GNPTG: variants seen among roughly 807,000 people sequenced by gnomAD.
GNPTG encodes the protein N-acetylglucosamine-1-phosphate transferase subunit gamma.
A neutral mutation model predicts 43.8 loss-of-function variants in GNPTG; 46 were observed. The observed-to-expected ratio is 1.05, with a 90% CI of 0.83 to 1.34. The LOEUF (loss-of-function observed/expected upper bound fraction) is 1.34. GNPTG is among the 40% of genes most tolerant of loss of function. The pLI is 0.00. For missense variants in GNPTG, 549 were observed against 411.3 expected (o/e 1.33, Z -2.90); for synonymous variants, 250 against 172.8 (o/e 1.45, Z -3.50).
intron 3 of GNPTG, among the ~76,000 whole-genome samples, chr16:1,352,681 G>C (rs1341943070): frequency 6.6e-6 from 1 of 152,098 alleles, no homozygotes; most frequent in Non-Finnish European, 1.5e-5. Flanking sequence ...GTCACTCGCT[G>C]TATCTCTCGG....
chr16:1,364,005 T>C lies in GNPTG; in HGVS notation c.*914T>C, dbSNP rs2035038879. ...CTAGAGCTCAGCTGCTCCTGACCAC[T>C]GACAACCGGGAGATGTCTCGGCAGA... On this transcript the variant is annotated 3_prime_UTR_variant, in exon 11 of 11. Transcript: ENST00000204679. The C allele has an allele frequency of 6.6e-6, 1 of 152,166 alleles. No individual in the cohort carries two copies. The highest frequency in any genetic ancestry group is 1.5e-5 in the Non-Finnish European group (1 of 68,044). 9.4% of individuals were successfully genotyped at this position (152,166 alleles called of 1,614,324 possible).
chr16:1,362,020 G>T lies in GNPTG; in HGVS notation c.318-18G>T, dbSNP rs148378749. The T allele has an allele frequency of 1.2e-6, 2 of 1,612,420 alleles. No homozygotes were observed. The highest frequency in any genetic ancestry group is 2.2e-5 in the East Asian group (1 of 44,880). ...AGCTCCCCACCCGGCCTCACGTGCCGTGCCCGTGTCTCCCCAGCATCTGGC... is the reference window on the plus strand; with the variant it reads ...AGCTCCCCACCCGGCCTCACGTGCCTTGCCCGTGTCTCCCCAGCATCTGGC... On this transcript the variant is annotated intron_variant, in intron 5 of 10. Coordinates refer to ENST00000204679, the MANE Select transcript of GNPTG (RefSeq NM_032520.5).
At chr16:1,354,575 G>C (rs2034738434) in intron 3 of GNPTG, among the ~76,000 whole-genome samples, 1 of 53,386 alleles carries the variant, frequency 1.9e-5, no homozygotes, top group Non-Finnish European at 3.3e-5. Flanking sequence ...GACAGAGCAA[G>C]ACTTCGTCTC....
rs1298374390 is a variant in GNPTG, at chr16:1,363,043, G to C, written c.870G>C (p.Lys290Asn). ...EHLGHETPRA[K>N]SPEQLRGDPG... ...TGGGCCACGAGACGCCCAGAGCCAA[G>C]TCTCCAGAGCAGCTGCGGGGTGACC... Residue 290 changes from lysine to asparagine, a missense_variant, in exon 11 of 11, where the codon AAG becomes AAC. Lys to Asn is a moderately conservative substitution (Grantham distance 94, BLOSUM62 0). Transcript: ENST00000204679. 1 of 1,613,968 alleles carries C rather than the reference G, an allele frequency of 6.2e-7. No homozygotes were observed. The highest frequency in any genetic ancestry group is 1.3e-5 in the African/African-American group (1 of 74,908).
chr16:1,361,726 T>A lies in GNPTG; in HGVS notation c.179-17T>A. 1 of 1,613,832 alleles carries A rather than the reference T, an allele frequency of 6.2e-7. No individual in the cohort carries two copies. ...TCTGTGCTTGGACCCTGGGGATCAG[T>A]GTGAGGTCTCTTCCAGGACCCGTGC... is the stretch of plus-strand genomic sequence containing the variant. On this transcript the variant is annotated splice_polypyrimidine_tract_variant and intron_variant, in intron 3 of 10. Coordinates refer to ENST00000204679, the MANE Select transcript of GNPTG (RefSeq NM_032520.5).
At position 1,361,950 on chromosome 16, in the gene GNPTG, C is replaced by A. The variant is rs769001628; in HGVS notation, c.312C>A (p.Ile104=). ...TCCGCTGGAACGCCTACAGTGGGAT[C>A]CTCGGGTGAGTGGGGCCGGGGCAGG... ...QTFRWNAYSG[I]LGIWHEWEIA... is the part of the protein sequence containing the mutation. Residue 104 remains isoleucine, a synonymous_variant, in exon 5 of 11, where the codon ATC becomes ATA. Transcript: ENST00000204679. The A allele has an allele frequency of 1.2e-6, 2 of 1,613,538 alleles. No homozygotes were observed. The highest frequency in any genetic ancestry group is 3.3e-5 in the Admixed American group (2 of 60,030).
chr16:1,357,217 T>C (rs929653775), intron 3 of GNPTG, among the ~76,000 whole-genome samples: 2 of 152,128 alleles, frequency 1.3e-5, no homozygotes, highest in Non-Finnish European at 2.9e-5. Flanking sequence ...CCAGGACCTT[T>C]CTATATCCAC....
Position 1,361,841 on chromosome 16 carries a change from C to T in GNPTG, c.234-31C>T, listed in dbSNP as rs201381376. 571 of 1,613,694 alleles carry T rather than the reference C, an allele frequency of 3.5e-4. 1 individual carries two copies. Among genetic ancestry groups the T allele is most frequent in the Non-Finnish European group, 3.4e-4 (397 of 1,179,832 alleles). On this transcript the variant is annotated intron_variant, in intron 4 of 10. Transcript: ENST00000204679. Reference sequence around the variant, plus strand: ...CGAGGGTGGGCTGGGGCGCAGCCTGCGGACCCCCCTCATGCCATCTGTGTC... The same window carrying T: ...CGAGGGTGGGCTGGGGCGCAGCCTGTGGACCCCCCTCATGCCATCTGTGTC...
chr16:1,357,821 A>ATTATACGGCCTCGAT (rs1452723529), intron 3 of GNPTG: 3 of 152,428 alleles, frequency 2.0e-5, no homozygotes, highest in Non-Finnish European at 2.9e-5. Flanking sequence ...CCTCGACTTT[A>ATTATACGGCCTCGAT]TTATTAATAC....
chr16:1,362,030 C>A lies in GNPTG; in HGVS notation c.318-8C>A. On this transcript the variant is annotated splice_region_variant and splice_polypyrimidine_tract_variant and intron_variant, in intron 5 of 10. Coordinates refer to ENST00000204679, the MANE Select transcript of GNPTG (RefSeq NM_032520.5). Reference sequence around the variant, plus strand: ...CCGGCCTCACGTGCCGTGCCCGTGTCTCCCCAGCATCTGGCACGAGTGGGA... The same window carrying A: ...CCGGCCTCACGTGCCGTGCCCGTGTATCCCCAGCATCTGGCACGAGTGGGA... The A allele has an allele frequency of 6.2e-7, 1 of 1,612,810 alleles. No individual in the cohort carries two copies. Among genetic ancestry groups the A allele is most frequent in the Non-Finnish European group, 8.5e-7 (1 of 1,179,704 alleles).
intron 3 of GNPTG, 183 bp downstream of exon 3, chr16:1,352,489 C>A: frequency 1.5e-6 from 1 of 688,918 alleles, no homozygotes; most frequent in Non-Finnish European, 2.6e-6. Context: ...ATTAAATTAT[C>A]TCCAGACTTA....
chr16:1,362,136 G>T lies in GNPTG; in HGVS notation c.411+5G>T, dbSNP rs2034901382. 1.2e-6 allele frequency: 2 copies of T among 1,612,408 alleles called. No individual in the cohort carries two copies. The highest frequency in any genetic ancestry group is 3.3e-5 in the Admixed American group (2 of 59,942). ...TCCCGGAGCCGGCAGAGCAAGGTGG[G>T]GCCTCAGACGGGAGCCCGGGAAGAG... is the stretch of plus-strand genomic sequence containing the variant. On this transcript the variant is annotated splice_donor_5th_base_variant and intron_variant, in intron 6 of 10. Transcript: ENST00000204679.
At chr16:1,355,450 G>T (rs1019957546) in intron 3 of GNPTG, among the ~76,000 whole-genome samples, 1 of 152,146 alleles carries the variant, frequency 6.6e-6, no homozygotes, top group African/African-American at 2.4e-5. Context: ...GAAGGAAGGG[G>T]TGGGCTTGCC....
intron 3 of GNPTG, 125 bp from the exon 4 acceptor site, chr16:1,361,618 T>G (rs1346640430): frequency 1.0e-6 from 1 of 953,334 alleles, no homozygotes; most frequent in East Asian, 2.6e-5. Context: ...CACTCCAGCC[T>G]GGGTGACAGA....
intron 3 of GNPTG, among the ~76,000 whole-genome samples, chr16:1,358,638 C>A (rs944864138): frequency 2.0e-5 from 3 of 152,072 alleles, no homozygotes; most frequent in African/African-American, 7.2e-5. Context: ...TATTAGAATT[C>A]CATGTTTAGC....
chr16:1,353,749 T>A (rs1388780429), intron 3 of GNPTG, among the ~76,000 whole-genome samples: 1 of 152,038 alleles, frequency 6.6e-6, no homozygotes, highest in Non-Finnish European at 1.5e-5. Context: ...GGCCCCAAAC[T>A]CCCAGCGTCA....
At chr16:1,353,699 G>C (rs1376385959) in intron 3 of GNPTG, among the ~76,000 whole-genome samples, 1 of 152,036 alleles carries the variant, frequency 6.6e-6, no homozygotes, top group Non-Finnish European at 1.5e-5. Context: ...AATGTTAAGT[G>C]TTCTTGTAGA....
Position 1,352,595 on chromosome 16 carries a change from G to T in GNPTG, c.178+289G>T. 3 of 463,706 alleles carry T rather than the reference G, an allele frequency of 6.5e-6. No individual in the cohort carries two copies. In the South Asian group the frequency reaches 7.4e-5, roughly 11 times the overall value. The allele number at this position is 463,706 out of a possible 1,614,324, so 28.7% of individuals were successfully genotyped here. A position where few individuals can be genotyped will look rare whatever the true frequency, so the allele number is the denominator to read the frequency against. ...TTTTACGTGCGTGTCTATGCAACTGGAAAACGTATAGTTTTTGTAATCTAA... is the reference window on the plus strand; with the variant it reads ...TTTTACGTGCGTGTCTATGCAACTGTAAAACGTATAGTTTTTGTAATCTAA... On this transcript the variant is annotated intron_variant, in intron 3 of 10. Transcript: ENST00000204679.
At chr16:1,352,733 G>C (rs2034707160) in intron 3 of GNPTG, among the ~76,000 whole-genome samples, 1 of 151,948 alleles carries the variant, frequency 6.6e-6, no homozygotes, top group African/African-American at 2.4e-5. Flanking sequence ...TCTTTCTCTT[G>C]GTGCTCAGCA....
Sources: allele counts gnomAD v4.1 joint callset (sites outside exome capture counted in the v4.1 genomes callset), GRCh38; gene constraint gnomAD v4.1.1; transcripts MANE v1.5; gene names NCBI Gene and HGNC (gene_info 2026-07-23, HGNC 2026-07-21).